GADL1: variants seen among roughly 807,000 people sequenced by gnomAD.
The protein encoded by GADL1 is GAD like acidic amino acid decarboxylase 1.
Under a neutral mutation model 69.5 loss-of-function variants are expected in GADL1, and 71 were observed. The observed-to-expected ratio is 1.02, with a 90% CI of 0.84 to 1.25. The LOEUF (loss-of-function observed/expected upper bound fraction) is 1.25, where lower values mean the gene tolerates loss of function less well. Among genes scored for constraint, GADL1 ranks in the 50% most tolerant of loss-of-function variants. The probability of loss-of-function intolerance (pLI) is 0.00; values close to 1 mark genes in which losing one functional copy is unlikely to be tolerated. For synonymous variants in GADL1, 254 were observed against 214.4 expected (o/e 1.18, Z -1.62); for missense variants, 737 against 631.8 (o/e 1.17, Z -1.79).
intron 2 of GADL1, among the ~76,000 whole-genome samples, chr3:30,860,318 G>A (rs1260384713): frequency 1.3e-5 from 2 of 151,646 alleles, no homozygotes; most frequent in Non-Finnish European, 2.9e-5. Context: ...CCTTTATATT[G>A]TTTTTCTTTA....
intron 14 of GADL1, among the ~76,000 whole-genome samples, chr3:30,752,563 C>G (rs192921856): frequency 6.6e-6 from 1 of 152,128 alleles, no homozygotes; most frequent in African/African-American, 2.4e-5. Context: ...ACTCATAAAC[C>G]CAGTCTCGAG....
At chr3:30,752,172 T>C (rs1043192480) in intron 14 of GADL1, among the ~76,000 whole-genome samples, 1 of 144,128 alleles carries the variant, frequency 6.9e-6, no homozygotes, top group African/African-American at 2.8e-5. Context: ...GCGGCTCTGA[T>C]GTAGTGCTGT....
intron 14 of GADL1, among the ~76,000 whole-genome samples, chr3:30,754,806 C>T (rs548747446): frequency 3.0e-4 from 45 of 152,188 alleles, no homozygotes; most frequent in African/African-American, 1.0e-3. Context: ...GCATGTTTTT[C>T]TAAAAATGAA....
At chr3:30,851,021 T>G in intron 4 of GADL1, 80 bp from the exon 5 acceptor site, 1 of 808,024 alleles carries the variant, frequency 1.2e-6, no homozygotes, top group Non-Finnish European at 2.0e-6. Context: ...TGCACAGAGT[T>G]CTATTAAACC....
At chr3:30,771,003 A>G (rs1245972445) in intron 14 of GADL1, among the ~76,000 whole-genome samples, 1 of 152,238 alleles carries the variant, frequency 6.6e-6, no homozygotes, top group African/African-American at 2.4e-5. Context: ...GCGTTGAAAG[A>G]TGCTATTAAA....
intron 11 of GADL1, among the ~76,000 whole-genome samples, chr3:30,803,577 C>G (rs1214047441): frequency 1.3e-5 from 2 of 152,122 alleles, no homozygotes; most frequent in African/African-American, 4.8e-5. Flanking sequence ...TCATCATAAG[C>G]AAGTGGAGAA....
chr3:30,891,816 A>G (rs1246723144), intron 1 of GADL1, among the ~76,000 whole-genome samples: 1 of 152,188 alleles, frequency 6.6e-6, no homozygotes, highest in Non-Finnish European at 1.5e-5. Context: ...AAATAAACAA[A>G]AAATGAAAAA....
intron 1 of GADL1, among the ~76,000 whole-genome samples, chr3:30,893,690 A>G (rs1273873046): frequency 6.6e-6 from 1 of 152,166 alleles, no homozygotes; most frequent in African/African-American, 2.4e-5. Flanking sequence ...CTGGGACATT[A>G]AAAGGTGAAA....
chr3:30,845,391 G>A (rs774327553), intron 6 of GADL1, among the ~76,000 whole-genome samples: 10 of 152,066 alleles, frequency 6.6e-5, no homozygotes, highest in Non-Finnish European at 1.5e-4. Context: ...AAATGAAGGT[G>A]CTAAAGGACA....
chr3:30,736,095 G>T (rs1695538260), intron 14 of GADL1, among the ~76,000 whole-genome samples: 1 of 151,496 alleles, frequency 6.6e-6, no homozygotes. Context: ...TGTTTATTTT[G>T]CCTGATGATT....
chr3:30,886,862 G>A (rs1485475741), intron 1 of GADL1, among the ~76,000 whole-genome samples: 5 of 152,132 alleles, frequency 3.3e-5, no homozygotes, highest in Non-Finnish European at 5.9e-5. Context: ...AGGGTACATT[G>A]GAGCTTCGGT....
intron 9 of GADL1, among the ~76,000 whole-genome samples, chr3:30,837,135 T>C (rs534948553): frequency 4.9e-5 from 7 of 143,074 alleles, no homozygotes; most frequent in Admixed American, 1.4e-4. Flanking sequence ...AGTAAATGTC[T>C]TTTTATTTTT....
At chr3:30,771,716 TCA>T (rs545288941) in intron 14 of GADL1, among the ~76,000 whole-genome samples, 476 of 152,312 alleles carry the variant, frequency 3.1e-3, no homozygotes, top group Admixed American at 3.5e-3. Flanking sequence ...TGCTTTTAGT[TCA>T]CAGTCCAAAA....
chr3:30,757,116 T>C (rs900508919), intron 14 of GADL1, among the ~76,000 whole-genome samples: 6 of 152,132 alleles, frequency 3.9e-5, no homozygotes, highest in Non-Finnish European at 5.9e-5. Flanking sequence ...CTGATCTCAG[T>C]AGAAAGACTG....
At chr3:30,754,096 AAG>A (rs1175105330) in intron 14 of GADL1, among the ~76,000 whole-genome samples, 3 of 152,206 alleles carry the variant, frequency 2.0e-5, no homozygotes, top group African/African-American at 7.2e-5. Flanking sequence ...TTTCCTGAAA[AAG>A]CGTCTGATTG....
At chr3:30,820,445 C>A (rs1697552913) in intron 11 of GADL1, among the ~76,000 whole-genome samples, 1 of 152,048 alleles carries the variant, frequency 6.6e-6, no homozygotes, top group Non-Finnish European at 1.5e-5. Flanking sequence ...AAATCATATT[C>A]TTGGAAATGC....
At chr3:30,871,282 C>T (rs1040499641) in intron 1 of GADL1, among the ~76,000 whole-genome samples, 4 of 151,332 alleles carry the variant, frequency 2.6e-5, no homozygotes, top group East Asian at 2.0e-4. Context: ...AAAGATGAAG[C>T]GGGACTGGTG....
At chr3:30,757,061 G>C (rs1343256960) in intron 14 of GADL1, among the ~76,000 whole-genome samples, 1 of 152,148 alleles carries the variant, frequency 6.6e-6, no homozygotes, top group South Asian at 2.1e-4. Flanking sequence ...GGTGTTGGTG[G>C]TAGTCACAAC....
intron 1 of GADL1, among the ~76,000 whole-genome samples, chr3:30,868,943 C>T (rs1698443301): frequency 6.6e-6 from 1 of 151,692 alleles, no homozygotes; most frequent in South Asian, 2.1e-4. Flanking sequence ...CCAAGGGAGG[C>T]AGAAGGGTCA....
Sources: allele counts gnomAD v4.1 joint callset (sites outside exome capture counted in the v4.1 genomes callset), GRCh38; gene constraint gnomAD v4.1.1; transcripts MANE v1.5; gene names NCBI Gene and HGNC (gene_info 2026-07-23, HGNC 2026-07-21).